Variants in DSCAM observed in about 807,000 individuals in gnomAD.
The protein encoded by DSCAM is cell adhesion molecule DSCAM.
In DSCAM, 47 loss-of-function variants were observed where a neutral mutation model predicts 217.7. The ratio of observed to expected loss-of-function variants is 0.22; its 90% CI spans 0.17 to 0.28. The LOEUF is 0.28. DSCAM is among the 10% of genes least tolerant of loss of function. The pLI is 1.00. For missense variants in DSCAM, 2,080 were observed against 2,618.3 expected, an observed-to-expected ratio of 0.79 and a Z score of 4.49; for synonymous variants, 1,056 against 1,015.3, an observed-to-expected ratio of 1.04 and a Z score of -0.76.
At chr21:40,396,322 A>C (rs1342127961) in intron 3 of DSCAM, among the ~76,000 whole-genome samples, 1 of 152,168 alleles carries the variant, frequency 6.6e-6, no homozygotes, top group Non-Finnish European at 1.5e-5. Flanking sequence ...CTTCACCATC[A>C]CGCCAACTTC....
intron 3 of DSCAM, among the ~76,000 whole-genome samples, chr21:40,585,031 G>T (rs1161951098): frequency 6.6e-6 from 1 of 151,814 alleles, no homozygotes; most frequent in Non-Finnish European, 1.5e-5. Context: ...CCCTCCTCTC[G>T]CTCTTGCTTC....
intron 1 of DSCAM, among the ~76,000 whole-genome samples, chr21:40,780,157 A>G (rs1018479993): frequency 2.6e-5 from 4 of 152,168 alleles, no homozygotes; most frequent in African/African-American, 9.6e-5. Flanking sequence ...CTGCTTGTAA[A>G]TAGCAGAATC....
chr21:40,817,471 G>A (rs1346696812), intron 1 of DSCAM, among the ~76,000 whole-genome samples: 2 of 152,196 alleles, frequency 1.3e-5, no homozygotes, highest in African/African-American at 4.8e-5. Flanking sequence ...AAATCCCCTG[G>A]AAGAAGAATA....
chr21:40,461,067 C>T (rs752537738), intron 3 of DSCAM, among the ~76,000 whole-genome samples: 71 of 152,186 alleles, frequency 4.7e-4, no homozygotes, highest in Admixed American at 9.8e-4. Flanking sequence ...TCAATAAAGG[C>T]TAGCTAAGTA....
At chr21:40,210,792 T>G (rs115629604) in intron 11 of DSCAM, among the ~76,000 whole-genome samples, 2,019 of 152,262 alleles carry the variant, frequency 0.013, 42 homozygotes, top group African/African-American at 0.044. Flanking sequence ...TGGTCCATCC[T>G]CCTCAGCCTC....
chr21:40,240,369 T>TTTTTG (rs2073135603), intron 11 of DSCAM, among the ~76,000 whole-genome samples: 1 of 144,642 alleles, frequency 6.9e-6, no homozygotes, highest in Non-Finnish European at 1.5e-5. Context: ...TTTTTTTTTT[T>TTTTTG]TTTTGCCTCC....
intron 3 of DSCAM, among the ~76,000 whole-genome samples, chr21:40,381,062 C>CAAAAAAAAAAAAAAAAAAAAAAAAAA (rs71186932): frequency 1.1e-4 from 7 of 66,216 alleles, no homozygotes; most frequent in East Asian, 5.9e-4. Flanking sequence ...GACTCCGTCT[C>CAAAAAAAAAAAAAAAAAAAAAAAAAA]AAAAAAAAAA....
chr21:40,736,069 C>T (rs1316899459), intron 1 of DSCAM, among the ~76,000 whole-genome samples: 1 of 152,198 alleles, frequency 6.6e-6, no homozygotes, highest in Non-Finnish European at 1.5e-5. Context: ...GCTAGAACTG[C>T]TCACAAAACT....
At chr21:40,411,491 T>C (rs2075323056) in intron 3 of DSCAM, among the ~76,000 whole-genome samples, 1 of 152,122 alleles carries the variant, frequency 6.6e-6, no homozygotes, top group South Asian at 2.1e-4. Context: ...TATTATCAGA[T>C]TGTATAAAAT....
At chr21:40,198,722 T>C (rs943159087) in intron 11 of DSCAM, among the ~76,000 whole-genome samples, 1 of 152,204 alleles carries the variant, frequency 6.6e-6, no homozygotes, top group African/African-American at 2.4e-5. Flanking sequence ...GGCAGGAAAG[T>C]GAACAGCTGA....
At chr21:40,164,787 G>A (rs1421586453) in intron 16 of DSCAM, among the ~76,000 whole-genome samples, 1 of 151,754 alleles carries the variant, frequency 6.6e-6, no homozygotes, top group Non-Finnish European at 1.5e-5. Flanking sequence ...GGGCGACAGA[G>A]TGAGACTCTG....
At chr21:40,522,666 G>T (rs2076368303) in intron 3 of DSCAM, among the ~76,000 whole-genome samples, 1 of 152,172 alleles carries the variant, frequency 6.6e-6, no homozygotes, top group South Asian at 2.1e-4. Context: ...GCTGATAGGT[G>T]TGATCGTCAT....
chr21:40,565,815 G>A (rs1156314104), intron 3 of DSCAM, among the ~76,000 whole-genome samples: 1 of 152,156 alleles, frequency 6.6e-6, no homozygotes, highest in Non-Finnish European at 1.5e-5. Flanking sequence ...AATCACAAAT[G>A]TCTGCCTCCA....
At chr21:40,329,669 A>C (rs1241782124) in intron 8 of DSCAM, among the ~76,000 whole-genome samples, 1 of 150,956 alleles carries the variant, frequency 6.6e-6, no homozygotes, top group Non-Finnish European at 1.5e-5. Flanking sequence ...ATAAAAATAA[A>C]AAATAAAATA....
chr21:40,162,039 G>C (rs2090546223), intron 16 of DSCAM, among the ~76,000 whole-genome samples: 1 of 152,128 alleles, frequency 6.6e-6, no homozygotes, highest in Admixed American at 6.5e-5. Context: ...TTTATAACAT[G>C]AGTTTGCAAG....
chr21:40,095,622 T>C (rs1454338546), intron 20 of DSCAM, among the ~76,000 whole-genome samples: 1 of 152,080 alleles, frequency 6.6e-6, no homozygotes, highest in Non-Finnish European at 1.5e-5. Flanking sequence ...AATTAGATAG[T>C]GGTAAGGGTT....
intron 4 of DSCAM, among the ~76,000 whole-genome samples, chr21:40,360,739 T>C (rs1240295448): frequency 6.6e-6 from 1 of 152,228 alleles, no homozygotes; most frequent in African/African-American, 2.4e-5. Context: ...GCTGATTTCA[T>C]GTCTTTGCTA....
Position 40,658,981 on chromosome 21 carries a change from G to A in DSCAM, c.508+33829C>T, listed in dbSNP as rs192553480. On this transcript the variant is annotated intron_variant, in intron 3 of 32. Transcript: ENST00000400454. ...CTGATAATCGGGCAAATGAGGCTTC[G>A]TCTTCAAGCCCCTGCGGTAATCAAC... Among the ~76,000 whole-genome samples the A allele has an allele frequency of 2.5e-4, 38 of 152,190 alleles. No individual in the cohort carries two copies. In the East Asian group the frequency reaches 5.4e-3, roughly 22 times the overall value.
intron 16 of DSCAM, among the ~76,000 whole-genome samples, chr21:40,165,121 C>T (rs1356196958): frequency 1.3e-5 from 2 of 152,166 alleles, no homozygotes; most frequent in African/African-American, 4.8e-5. Context: ...TGCATATGTC[C>T]ACCGTGGCTG....
Sources: gnomAD v4.1 joint callset for allele counts (sites outside exome capture counted in the v4.1 genomes callset) on GRCh38, gnomAD v4.1.1 for gene constraint, MANE v1.5 for transcripts, NCBI Gene and HGNC (gene_info 2026-07-23, HGNC 2026-07-21) for gene names.